Variants in PRR16 observed in about 807,000 individuals in gnomAD.
The protein encoded by PRR16 is proline rich 16, also known as protein Largen.
A neutral mutation model predicts 18.2 loss-of-function variants in PRR16; 6 were observed. That is an observed-to-expected ratio of 0.33 (90% CI 0.18 to 0.65). The LOEUF (loss-of-function observed/expected upper bound fraction) is 0.65, where lower values mean the gene tolerates loss of function less well. Among genes scored for constraint, PRR16 ranks in the 30% least tolerant of loss-of-function variants. PRR16 has a pLI of 0.74. For missense variants in PRR16, 412 were observed against 376.6 expected (o/e 1.09, Z -0.78); for synonymous variants, 151 against 147.8 (o/e 1.02, Z -0.16).
chr5:120,775,172 A>C, the PRR16 span, among the ~76,000 whole-genome samples: 526 of 152,266 alleles, frequency 3.5e-3, 7 homozygotes, highest in Non-Finnish European at 9.9e-4. Context: ...TTCCACTTTA[A>C]CCAACATGTT....
At chr5:120,562,465 C>A (rs1752606462) in intron 1 of PRR16, among the ~76,000 whole-genome samples, 2 of 151,896 alleles carry the variant, frequency 1.3e-5, no homozygotes, top group Admixed American at 1.3e-4. Flanking sequence ...GAGTTTAGTC[C>A]ATTTACATTC....
the PRR16 span, among the ~76,000 whole-genome samples, chr5:120,778,877 G>T: frequency 1.3e-5 from 2 of 152,114 alleles, no homozygotes; most frequent in Non-Finnish European, 1.5e-5. Flanking sequence ...TGGCTGAAAA[G>T]CATCAGTGGA....
At chr5:120,780,354 A>C in the PRR16 span, among the ~76,000 whole-genome samples, 1 of 152,130 alleles carries the variant, frequency 6.6e-6, no homozygotes, top group African/African-American at 2.4e-5. Flanking sequence ...AGTACTGTGT[A>C]AGTGATTGGA....
the PRR16 span, among the ~76,000 whole-genome samples, chr5:120,768,959 T>A: frequency 6.6e-6 from 1 of 151,724 alleles, no homozygotes; most frequent in Non-Finnish European, 1.5e-5. Flanking sequence ...CAACCCAAAG[T>A]CTTTGACAGT....
At chr5:120,769,313 C>A in the PRR16 span, among the ~76,000 whole-genome samples, 4 of 151,742 alleles carry the variant, frequency 2.6e-5, no homozygotes, top group Non-Finnish European at 5.9e-5. Flanking sequence ...ACGTATACAA[C>A]ACATGCCAAA....
chr5:120,586,481 C>T (rs7732385), intron 1 of PRR16, among the ~76,000 whole-genome samples: 11,622 of 152,078 alleles, frequency 0.076, 551 homozygotes, highest in Admixed American at 0.14. Flanking sequence ...AATTTGTCAG[C>T]ACTTTTTTTT....
intron 1 of PRR16, among the ~76,000 whole-genome samples, chr5:120,610,731 T>G (rs1754307726): frequency 6.6e-6 from 1 of 152,144 alleles, no homozygotes; most frequent in African/African-American, 2.4e-5. Flanking sequence ...CAATTATACC[T>G]TTTTTTCTTC....
chr5:120,702,125 G>T, the PRR16 span, among the ~76,000 whole-genome samples: 1 of 151,828 alleles, frequency 6.6e-6, no homozygotes, highest in Non-Finnish European at 1.5e-5. Flanking sequence ...GGAGGGAAGG[G>T]GTTCAGGGGT....
At chr5:120,471,038 T>C (rs943649029) in intron 1 of PRR16, among the ~76,000 whole-genome samples, 1 of 152,216 alleles carries the variant, frequency 6.6e-6, no homozygotes, top group South Asian at 2.1e-4. Context: ...GTATGGACAC[T>C]GTTTCTTAAA....
downstream of PRR16, among the ~76,000 whole-genome samples, chr5:120,691,349 C>G (rs1044968179): frequency 6.6e-6 from 1 of 152,142 alleles, no homozygotes; most frequent in African/African-American, 2.4e-5. Context: ...TTGATCTTTG[C>G]AGAATATGAA....
At chr5:120,609,744 T>C (rs1235906357) in intron 1 of PRR16, among the ~76,000 whole-genome samples, 1 of 152,170 alleles carries the variant, frequency 6.6e-6, no homozygotes, top group African/African-American at 2.4e-5. Context: ...AAAATAAACA[T>C]GTCATTTTTA....
chr5:120,736,321 G>C, the PRR16 span, among the ~76,000 whole-genome samples: 1 of 152,164 alleles, frequency 6.6e-6, no homozygotes, highest in East Asian at 1.9e-4. Context: ...TTGGAGTGCA[G>C]TGGTGCAATC....
At chr5:120,768,958 G>A in the PRR16 span, among the ~76,000 whole-genome samples, 3 of 151,712 alleles carry the variant, frequency 2.0e-5, no homozygotes, top group East Asian at 5.8e-4. Context: ...ACAACCCAAA[G>A]TCTTTGACAG....
intron 1 of PRR16, among the ~76,000 whole-genome samples, chr5:120,558,258 T>G (rs983889952): frequency 1.3e-5 from 2 of 151,860 alleles, no homozygotes; most frequent in African/African-American, 4.8e-5. Flanking sequence ...AATTATTTTT[T>G]GTACCAATTA....
At chr5:120,760,802 C>T in the PRR16 span, among the ~76,000 whole-genome samples, 1 of 152,132 alleles carries the variant, frequency 6.6e-6, no homozygotes, top group African/African-American at 2.4e-5. Context: ...TAAAATACCT[C>T]TGAAGTTTGA....
chr5:120,623,315 T>A (rs1754751725), intron 1 of PRR16, among the ~76,000 whole-genome samples: 1 of 152,166 alleles, frequency 6.6e-6, no homozygotes, highest in Non-Finnish European at 1.5e-5. Context: ...TTTATGTAAT[T>A]ATCTATGTCC....
the PRR16 span, among the ~76,000 whole-genome samples, chr5:120,696,988 G>C: frequency 6.7e-6 from 1 of 150,006 alleles, no homozygotes. Flanking sequence ...AAAATAAAAA[G>C]TTAGGCCCTT....
chr5:120,501,955 CAAAAAAAAAAAAA>C (rs548770948), intron 1 of PRR16, among the ~76,000 whole-genome samples: 2 of 44,078 alleles, frequency 4.5e-5, no homozygotes, highest in South Asian at 1.2e-3. Flanking sequence ...TACTCCGTCT[CAAAAAAAAAAAAA>C]AAAAAAAAAA....
At chr5:120,511,259 C>T (rs560324016) in intron 1 of PRR16, among the ~76,000 whole-genome samples, 1 of 152,154 alleles carries the variant, frequency 6.6e-6, no homozygotes, top group Admixed American at 6.6e-5. Context: ...TAACTTAATT[C>T]ATGCAAATAA....
Sources: allele counts gnomAD v4.1 joint callset (sites outside exome capture counted in the v4.1 genomes callset), GRCh38; gene constraint gnomAD v4.1.1; transcripts MANE v1.5; gene names NCBI Gene and HGNC (gene_info 2026-07-23, HGNC 2026-07-21).